Variants in STPG2 observed in about 807,000 individuals in gnomAD.
The protein encoded by STPG2 is sperm tail PG-rich repeat containing 2.
In STPG2, 56 loss-of-function variants were observed where a neutral mutation model predicts 54.2. That is an observed-to-expected ratio of 1.03 (90% CI 0.83 to 1.29). STPG2 has a LOEUF of 1.29. Ranked by LOEUF, STPG2 falls within the 50% of genes most tolerant of loss-of-function variation. The pLI, the probability that STPG2 is intolerant of heterozygous loss-of-function variation, is 0.00. For synonymous variants in STPG2, 200 were observed against 181.8 expected (o/e 1.10, Z -0.81); for missense variants, 596 against 544.9 (o/e 1.09, Z -0.93).
chr4:97,856,391 T>C (rs1729338013), intron 8 of STPG2, among the ~76,000 whole-genome samples: 2 of 152,156 alleles, frequency 1.3e-5, no homozygotes, highest in South Asian at 4.1e-4. Context: ...ATGTTAGCTG[T>C]ATTCCTAGGT....
intron 9 of STPG2, among the ~76,000 whole-genome samples, chr4:97,806,717 T>C (rs1391941216): frequency 6.6e-6 from 1 of 152,070 alleles, no homozygotes; most frequent in Non-Finnish European, 1.5e-5. Context: ...AATGGGTAGT[T>C]GTGGAGGAGA....
In STPG2 at chr4:97,840,666, T is replaced by C. The variant is rs1328156343; in HGVS notation, c.1204+107A>G. 4 of 1,268,742 alleles carry C rather than the reference T, an allele frequency of 3.2e-6. No individual in the cohort carries two copies. The African/African-American group carries it at 6.0e-5, about 19-fold the overall frequency. The allele number at this position is 1,268,742 out of a possible 1,614,324, so 78.6% of individuals were successfully genotyped here. On this transcript the variant is annotated intron_variant, in intron 9 of 10. Transcript: ENST00000295268. The stretch of plus-strand genomic sequence containing the variant: ...AAAAATGGTTTTGTTATACATTATT[T>C]TGCTTAACTTTTCAGTCTCCAAGAA...
At chr4:97,673,712 A>G (rs1372122678) in intron 10 of STPG2, among the ~76,000 whole-genome samples, 1 of 152,046 alleles carries the variant, frequency 6.6e-6, no homozygotes, top group Admixed American at 6.6e-5. Context: ...CCATAATTAA[A>G]TATGAAAAGA....
At chr4:97,889,745 G>T (rs994308801) in intron 8 of STPG2, among the ~76,000 whole-genome samples, 10 of 152,090 alleles carry the variant, frequency 6.6e-5, no homozygotes, top group African/African-American at 2.4e-4. Flanking sequence ...AGTAGGAAAA[G>T]TCCAAAAGAT....
intron 9 of STPG2, among the ~76,000 whole-genome samples, chr4:97,758,080 A>G (rs2149050884): frequency 6.6e-6 from 1 of 152,326 alleles, no homozygotes; most frequent in Non-Finnish European, 1.5e-5. Context: ...TTACTGGCCT[A>G]CAGTCTTTTA....
At chr4:97,968,031 G>A (rs538037275) in intron 7 of STPG2, among the ~76,000 whole-genome samples, 78 of 151,988 alleles carry the variant, frequency 5.1e-4, no homozygotes, top group Middle Eastern at 3.4e-3. Context: ...GAAGGAGAGA[G>A]AGAAACAAAA....
At chr4:97,977,691 A>T (rs1282710413) in intron 6 of STPG2, among the ~76,000 whole-genome samples, 1 of 152,204 alleles carries the variant, frequency 6.6e-6, no homozygotes, top group Non-Finnish European at 1.5e-5. Flanking sequence ...TCAAGAAAGC[A>T]CCAGGGCTAG....
chr4:97,811,114 C>T lies in STPG2; in HGVS notation c.1204+29659G>A, dbSNP rs115305712. ...ACATTTTCCCAAAGAATACGAATTA[C>T]TGTTCAAACAGGTTGTTGATGGGTA... On this transcript the variant is annotated intron_variant, in intron 9 of 10. Coordinates refer to ENST00000295268, the MANE Select transcript of STPG2 (RefSeq NM_174952.3). 3.3e-3 allele frequency among the ~76,000 whole-genome samples: 497 copies of T among 152,010 alleles called. 4 individuals carry two copies. The highest frequency in any genetic ancestry group is 0.012 in the African/African-American group (477 of 41,472).
intron 9 of STPG2, among the ~76,000 whole-genome samples, chr4:97,744,505 T>C (rs542554558): frequency 2.0e-5 from 3 of 151,304 alleles, no homozygotes; most frequent in Non-Finnish European, 4.4e-5. Context: ...ATAGTTTTAA[T>C]TGGTTTTGCT....
chr4:98,046,057 T>C (rs1737117963), intron 5 of STPG2, among the ~76,000 whole-genome samples: 1 of 151,852 alleles, frequency 6.6e-6, no homozygotes, highest in Non-Finnish European at 1.5e-5. Context: ...ATTCTTTTTT[T>C]TTTTTTTGGC....
At chr4:98,136,122 CATG>C (rs1740127706) in intron 1 of STPG2, among the ~76,000 whole-genome samples, 1 of 151,324 alleles carries the variant, frequency 6.6e-6, no homozygotes, top group African/African-American at 2.4e-5. Context: ...AAAAGATGAA[CATG>C]ATGAGAAGAT....
chr4:98,118,973 A>T (rs545216331), intron 3 of STPG2, among the ~76,000 whole-genome samples: 1 of 152,316 alleles, frequency 6.6e-6, no homozygotes, highest in East Asian at 1.9e-4. Flanking sequence ...GCTCTTCTTT[A>T]TAGTAAAATG....
chr4:97,900,899 C>T (rs746831711), intron 8 of STPG2, among the ~76,000 whole-genome samples: 5 of 151,910 alleles, frequency 3.3e-5, no homozygotes, highest in Admixed American at 3.3e-4. Flanking sequence ...TGTAACAAAC[C>T]TTCATATGTA....
At chr4:97,805,924 C>T (rs1358939221) in intron 9 of STPG2, among the ~76,000 whole-genome samples, 1 of 151,820 alleles carries the variant, frequency 6.6e-6, no homozygotes, top group Non-Finnish European at 1.5e-5. Flanking sequence ...TTGTTTCAGC[C>T]ACTGTGGAAA....
intron 8 of STPG2, among the ~76,000 whole-genome samples, chr4:97,878,601 C>G (rs765818867): frequency 6.6e-6 from 1 of 152,156 alleles, no homozygotes; most frequent in Non-Finnish European, 1.5e-5. Context: ...AGCTGGGACA[C>G]AGGGCACCAA....
chr4:97,491,995 T>C (rs971677539), intron 4 of STPG2, among the ~76,000 whole-genome samples: 2 of 151,390 alleles, frequency 1.3e-5, no homozygotes, highest in African/African-American at 4.8e-5. Context: ...AACTTTATCA[T>C]TACATGTAAA....
At chr4:97,574,010 A>C (rs1396274898) in intron 10 of STPG2, among the ~76,000 whole-genome samples, 5 of 152,110 alleles carry the variant, frequency 3.3e-5, no homozygotes, top group Non-Finnish European at 7.4e-5. Flanking sequence ...TCTAGGATTC[A>C]ACAAGTTTTC....
At chr4:97,952,509 C>T (rs1440837236) in intron 7 of STPG2, among the ~76,000 whole-genome samples, 1 of 152,120 alleles carries the variant, frequency 6.6e-6, no homozygotes. Context: ...ACCAGGAGTC[C>T]CTGAGAGCCA....
At chr4:98,072,550 A>G (rs1738035279) in intron 5 of STPG2, among the ~76,000 whole-genome samples, 2 of 148,252 alleles carry the variant, frequency 1.3e-5, no homozygotes, top group Admixed American at 6.8e-5. Context: ...CAGAACTTAC[A>G]ATAAAAGTTG....
Sources: allele counts gnomAD v4.1 joint callset (sites outside exome capture counted in the v4.1 genomes callset), GRCh38; gene constraint gnomAD v4.1.1; transcripts MANE v1.5; gene names NCBI Gene and HGNC (gene_info 2026-07-23, HGNC 2026-07-21).